Variants in CALN1 observed in about 807,000 individuals in gnomAD.
CALN1 encodes the protein calneuron 1, also known as calcium-binding protein 8.
CALN1 carries 17 observed loss-of-function variants against 30.6 expected under a neutral mutation model. That is an observed-to-expected ratio of 0.56 (90% CI 0.38 to 0.83). The LOEUF is 0.83. Among genes scored for constraint, CALN1 ranks in the 40% least tolerant of loss-of-function variants. The pLI is 0.00. For missense variants in CALN1, 291 were observed against 354.9 expected (o/e 0.82, Z 1.45); for synonymous variants, 156 against 131.4 (o/e 1.19, Z -1.28).
In CALN1 at chr7:71,812,929, CATTATTATTATT is replaced by C. The variant is rs71092917; in HGVS notation, c.502-2449_502-2438del. Reference sequence around the variant, plus strand: ...CAGCTATTTTATTTATCATCATCATCATTATTATTATTATTATTATTATTATTATTATTATTT... The same window carrying C: ...CAGCTATTTTATTTATCATCATCATCATTATTATTATTATTATTATTATTT... On this transcript the variant is annotated intron_variant, in intron 5 of 6. Transcript: ENST00000395275. Among the ~76,000 whole-genome samples the C allele has an allele frequency of 3.2e-3, 430 of 136,508 alleles. 4 individuals carry two copies. The highest frequency in any genetic ancestry group is 0.011 in the Middle Eastern group (3 of 264). 89.6% of individuals were successfully genotyped at this position (136,508 alleles called of 152,430 possible).
chr7:71,893,344 T>C (rs1269861228), intron 5 of CALN1, among the ~76,000 whole-genome samples: 1 of 152,124 alleles, frequency 6.6e-6, no homozygotes, highest in African/African-American at 2.4e-5. Context: ...TCAATGATGC[T>C]GAGGTGGAGA....
At chr7:71,877,460 ATAATT>A (rs1244334211) in intron 5 of CALN1, among the ~76,000 whole-genome samples, 1 of 152,080 alleles carries the variant, frequency 6.6e-6, no homozygotes, top group Non-Finnish European at 1.5e-5. Context: ...AATAAATAAG[ATAATT>A]TAATAAAGTG....
intron 4 of CALN1, among the ~76,000 whole-genome samples, chr7:72,047,515 G>A (rs1295017932): frequency 6.6e-6 from 1 of 152,178 alleles, no homozygotes; most frequent in East Asian, 1.9e-4. Flanking sequence ...CTTGAGCCCA[G>A]GACTTAGAGA....
chr7:72,315,598 G>A lies in CALN1; in HGVS notation c.120-36788C>T, dbSNP rs193290496. Among the ~76,000 whole-genome samples, 125 of 152,018 alleles carry A rather than the reference G, an allele frequency of 8.2e-4. No homozygotes were observed. In the East Asian group the frequency reaches 0.021, roughly 25 times the overall value. On this transcript the variant is annotated intron_variant, in intron 2 of 6. Transcript: ENST00000395275. ...TGGATGCCTGTAGTCCCAGCTACTC[G>A]GGAGGCTGAGAAGGGAGGATTGCTT...
At chr7:71,993,084 G>C (rs532605788) in intron 5 of CALN1, among the ~76,000 whole-genome samples, 194 of 152,014 alleles carry the variant, frequency 1.3e-3, no homozygotes, top group Non-Finnish European at 2.0e-3. Flanking sequence ...TCCAAATATA[G>C]TTCTGGTGTC....
intron 5 of CALN1, among the ~76,000 whole-genome samples, chr7:71,815,689 CCT>C (rs1220739038): frequency 1.3e-5 from 2 of 150,738 alleles, no homozygotes; most frequent in South Asian, 2.1e-4. Context: ...CTCTTTTTTC[CCT>C]CTCTCTCTCC....
chr7:71,966,977 G>A (rs2129525946), intron 5 of CALN1, among the ~76,000 whole-genome samples: 1 of 152,296 alleles, frequency 6.6e-6, no homozygotes, highest in African/African-American at 2.4e-5. Flanking sequence ...TTCCCCAGTA[G>A]AAGCTGTTTC....
At chr7:71,801,119 C>T (rs571279649) in intron 6 of CALN1, among the ~76,000 whole-genome samples, 255 of 152,292 alleles carry the variant, frequency 1.7e-3, no homozygotes, top group Non-Finnish European at 2.7e-3. Flanking sequence ...CAGCTTCATC[C>T]ATGCCCCTGC....
At chr7:72,479,368 T>G in the CALN1 span, among the ~76,000 whole-genome samples, 1 of 152,192 alleles carries the variant, frequency 6.6e-6, no homozygotes, top group Non-Finnish European at 1.5e-5. Flanking sequence ...TTTAACAGTA[T>G]CCTATAGACA....
intron 5 of CALN1, among the ~76,000 whole-genome samples, chr7:71,907,497 T>C (rs1204633143): frequency 6.6e-6 from 1 of 152,128 alleles, no homozygotes; most frequent in African/African-American, 2.4e-5. Flanking sequence ...AAGCTGTGAG[T>C]CAGAACCGGG....
intron 2 of CALN1, among the ~76,000 whole-genome samples, chr7:72,351,276 G>A (rs781627140): frequency 7.2e-5 from 11 of 152,308 alleles, no homozygotes; most frequent in Non-Finnish European, 1.3e-4. Flanking sequence ...GCTGAGGCAG[G>A]AGGATCACTT....
At chr7:72,174,652 G>T (rs1789206973) in intron 3 of CALN1, among the ~76,000 whole-genome samples, 1 of 152,106 alleles carries the variant, frequency 6.6e-6, no homozygotes. Flanking sequence ...AGACACAAGA[G>T]TATATATATT....
intron 5 of CALN1, among the ~76,000 whole-genome samples, chr7:71,864,488 C>T (rs762178543): frequency 2.2e-4 from 34 of 152,116 alleles, no homozygotes; most frequent in Non-Finnish European, 3.8e-4. Flanking sequence ...CCTGGAGCCA[C>T]GAGGAACTGA....
chr7:72,021,637 G>A (rs939721406), intron 5 of CALN1, among the ~76,000 whole-genome samples: 4 of 152,072 alleles, frequency 2.6e-5, no homozygotes, highest in East Asian at 1.9e-4. Flanking sequence ...GGGGATTCAC[G>A]AGCCCCTGTC....
intron 2 of CALN1, among the ~76,000 whole-genome samples, chr7:72,399,019 G>C (rs1562948191): frequency 6.6e-6 from 1 of 152,074 alleles, no homozygotes; most frequent in African/African-American, 2.4e-5. Context: ...GGGCTTCCTT[G>C]CTTCACTCCC....
chr7:72,405,454 G>A (rs192725898), intron 1 of CALN1, among the ~76,000 whole-genome samples: 11 of 152,178 alleles, frequency 7.2e-5, no homozygotes, highest in Admixed American at 7.2e-4. Context: ...GTCTTCACAC[G>A]CCTGTTTCCT....
chr7:72,366,593 G>A (rs1303378964), intron 2 of CALN1, among the ~76,000 whole-genome samples: 4 of 152,026 alleles, frequency 2.6e-5, no homozygotes, highest in Non-Finnish European at 5.9e-5. Context: ...TCTGAGCAAT[G>A]TACATTGTAC....
intron 6 of CALN1, among the ~76,000 whole-genome samples, chr7:71,807,998 C>T (rs1034048621): frequency 3.9e-5 from 6 of 152,002 alleles, no homozygotes; most frequent in African/African-American, 9.7e-5. Flanking sequence ...TGCTTGAACC[C>T]GGGAAGCAGA....
intron 3 of CALN1, among the ~76,000 whole-genome samples, chr7:72,202,517 C>G (rs559490432): frequency 6.6e-6 from 1 of 152,276 alleles, no homozygotes; most frequent in South Asian, 2.1e-4. Context: ...TAAACCATTG[C>G]TGGATCTGAG....
Sources: allele counts gnomAD v4.1 joint callset (sites outside exome capture counted in the v4.1 genomes callset), GRCh38; gene constraint gnomAD v4.1.1; transcripts MANE v1.5; gene names NCBI Gene and HGNC (gene_info 2026-07-23, HGNC 2026-07-21).